Variants in MKRN2 observed in about 807,000 individuals in gnomAD.
MKRN2 encodes the protein makorin ring finger protein 2, also known as E3 ubiquitin-protein ligase makorin-2.
MKRN2 carries 32 observed loss-of-function variants against 45.4 expected under a neutral mutation model. The ratio of observed to expected loss-of-function variants is 0.70; its 90% confidence interval spans 0.53 to 0.95. MKRN2 has a LOEUF of 0.95. Among genes scored for constraint, MKRN2 ranks in the 40% least tolerant of loss-of-function variants. The pLI, the probability that MKRN2 is intolerant of heterozygous loss-of-function variation, is 0.00. For missense variants in MKRN2, 526 were observed against 536.7 expected (o/e 0.98, Z 0.20); for synonymous variants, 206 against 192.4 (o/e 1.07, Z -0.59).
Position 12,570,228 on chromosome 3 carries a change from A to G in MKRN2, c.313A>G (p.Arg105Gly). ...NSHEPGKREK[R>G]TLVLRDRNLS... Reference sequence around the variant, plus strand: ...ACATGAACCCGGAAAGCGTGAAAAGAGAACATTGGTTCTTAGAGACCGAAG... The same window carrying G: ...ACATGAACCCGGAAAGCGTGAAAAGGGAACATTGGTTCTTAGAGACCGAAG... Residue 105 changes from arginine to glycine, a missense_variant, in exon 3 of 8, where the codon AGA becomes GGA. By Grantham distance (125) the Arg-to-Gly change is moderately radical. Transcript: ENST00000170447. The G allele has an allele frequency of 6.2e-7, 1 of 1,614,084 alleles. No homozygotes were observed. The highest frequency in any genetic ancestry group is 8.5e-7 in the Non-Finnish European group (1 of 1,179,992).
At chr3:12,578,298 G>A (rs2058155022) in intron 6 of MKRN2, among the ~76,000 whole-genome samples, 1 of 149,498 alleles carries the variant, frequency 6.7e-6, no homozygotes, top group African/African-American at 2.5e-5. Flanking sequence ...CCTGCTCCAG[G>A]ATAAGAGCTA....
intron 4 of MKRN2, 117 bp from the exon 5 acceptor site, chr3:12,574,675 C>A: frequency 1.1e-6 from 1 of 944,310 alleles, no homozygotes; most frequent in Non-Finnish European, 1.6e-6. Context: ...TCACAGCAGT[C>A]GCTGTCAGTG....
rs1003244279 is a variant in MKRN2 at position 12,557,100 on chromosome 3, C to T, written c.-51C>T. ...CGGGCCAGGGCCAAGGCCGAGGCGG[C>T]AGCGGCTGCGAGAGGCGGCGGCACG... is the stretch of plus-strand genomic sequence containing the variant. On this transcript the variant is annotated 5_prime_UTR_variant, in exon 1 of 8. Coordinates refer to ENST00000170447, the MANE Select transcript of MKRN2 (RefSeq NM_014160.5). 122 of 1,481,702 alleles carry T rather than the reference C, an allele frequency of 8.2e-5. No individual in the cohort carries two copies. Among genetic ancestry groups the T allele is most frequent in the Non-Finnish European group, 9.9e-5 (111 of 1,118,114 alleles). The allele number at this position is 1,481,702 out of a possible 1,614,324, so 91.8% of individuals were successfully genotyped here.
intron 6 of MKRN2, among the ~76,000 whole-genome samples, chr3:12,578,187 A>G (rs529469874): frequency 2.6e-5 from 4 of 152,100 alleles, no homozygotes; most frequent in South Asian, 2.1e-4. Flanking sequence ...TCACTTTCCA[A>G]TGGCTGTGAT....
At chr3:12,562,253 A>C (rs935716251) in intron 1 of MKRN2, among the ~76,000 whole-genome samples, 20 of 152,272 alleles carry the variant, frequency 1.3e-4, no homozygotes, top group Admixed American at 5.2e-4. Context: ...TACATTGTAC[A>C]TCAGTTTAGA....
chr3:12,568,845 A>G lies in MKRN2; in HGVS notation c.27-30A>G, dbSNP rs140621322. ...TTTTATAAAGCAAAATGTGCTTCTAAAAGTTGTATGCCTGTGCTTGTCTCT... is the reference window on the plus strand; with the variant it reads ...TTTTATAAAGCAAAATGTGCTTCTAGAAGTTGTATGCCTGTGCTTGTCTCT... On this transcript the variant is annotated intron_variant, in intron 1 of 7. Transcript: ENST00000170447. 757 of 1,600,244 alleles carry G rather than the reference A, an allele frequency of 4.7e-4. 1 individual carries two copies. In the African/African-American group the frequency reaches 7.9e-3, roughly 17 times the overall value.
intron 5 of MKRN2, among the ~76,000 whole-genome samples, chr3:12,575,792 C>G (rs552226186): frequency 9.2e-5 from 14 of 152,292 alleles, no homozygotes; most frequent in African/African-American, 3.1e-4. Flanking sequence ...CCTTTTGTGC[C>G]TGGCCCCTTT....
chr3:12,570,442 C>T (rs758602775), intron 3 of MKRN2, among the ~76,000 whole-genome samples, 190 bp downstream of exon 3: 5 of 152,206 alleles, frequency 3.3e-5, no homozygotes, highest in East Asian at 1.9e-4. Context: ...ATGATACATT[C>T]GCCCTCGTGC....
chr3:12,565,604 T>C (rs1298985851), intron 1 of MKRN2, among the ~76,000 whole-genome samples: 2 of 149,154 alleles, frequency 1.3e-5, no homozygotes, highest in African/African-American at 5.0e-5. Context: ...AGCATGATCT[T>C]GGCTTATTGC....
intron 5 of MKRN2, among the ~76,000 whole-genome samples, chr3:12,575,310 C>A (rs1038033696): frequency 6.6e-6 from 1 of 152,178 alleles, no homozygotes; most frequent in Admixed American, 6.5e-5. Flanking sequence ...TGTTTGAAAT[C>A]CAGTAGTACC....
At chr3:12,573,073 A>G (rs933792003) in intron 4 of MKRN2, among the ~76,000 whole-genome samples, 1 of 152,202 alleles carries the variant, frequency 6.6e-6, no homozygotes, top group Non-Finnish European at 1.5e-5. Flanking sequence ...GTTGGGATCC[A>G]GCTAGGTGAA....
intron 1 of MKRN2, among the ~76,000 whole-genome samples, chr3:12,557,434 G>C (rs2057987185): frequency 6.6e-6 from 1 of 152,248 alleles, no homozygotes; most frequent in Non-Finnish European, 1.5e-5. Flanking sequence ...CTGTGGGCTG[G>C]GAGGAAGGAC....
At position 12,583,247 on chromosome 3, in the gene MKRN2, T is replaced by TAA. The variant is rs2058200361; in HGVS notation, c.*995_*996dup. On this transcript the variant is annotated 3_prime_UTR_variant, in exon 8 of 8. Transcript: ENST00000170447. The stretch of plus-strand genomic sequence containing the variant: ...GCAAGTCTTGTAGTCATTTTGATTT[T>TAA]AATTGAAGGGTGAGCATAACCTTGT... 6.6e-6 allele frequency: 1 copy of TAA among 152,448 alleles called. No individual in the cohort carries two copies. The highest frequency in any genetic ancestry group is 2.1e-4 in the South Asian group (1 of 4,826). 9.4% of individuals were successfully genotyped at this position (152,448 alleles called of 1,614,324 possible).
In MKRN2 at chr3:12,570,347, C is replaced by T. The variant is rs2058091129; in HGVS notation, c.337+95C>T. ...TAGCCTCCTCTTGTCAAGAGGACTC[C>T]TAACCTAATACACCTCCAGATTGTC... is the stretch of plus-strand genomic sequence containing the variant. On this transcript the variant is annotated intron_variant, in intron 3 of 7. Transcript: ENST00000170447. 7.1e-6 allele frequency: 9 copies of T among 1,274,978 alleles called. No individual in the cohort carries two copies. The South Asian group carries it at 1.3e-4, about 18-fold the overall frequency. The allele number at this position is 1,274,978 out of a possible 1,614,324, so 79.0% of individuals were successfully genotyped here. A position where few individuals can be genotyped will look rare whatever the true frequency, so the allele number is the denominator to read the frequency against.
In MKRN2 at chr3:12,581,953, G is replaced by T; in HGVS notation, c.1113+1G>T. ...GCTCAGTTCTCAAGGCACTGTGAGG[G>T]TAAGGACTTTAGCCATCTCTAGTTG... is the stretch of plus-strand genomic sequence containing the variant. On this transcript the variant is annotated splice_donor_variant, in intron 7 of 7. Transcript: ENST00000170447. LOFTEE classifies it high-confidence loss of function. 6.2e-7 allele frequency: 1 copy of T among 1,613,884 alleles called. No homozygotes were observed.
chr3:12,563,257 G>A (rs1470040056), intron 1 of MKRN2, among the ~76,000 whole-genome samples: 1 of 152,172 alleles, frequency 6.6e-6, no homozygotes, highest in Non-Finnish European at 1.5e-5. Flanking sequence ...TTATATACTA[G>A]AATATCCTTT....
rs2058196466 is a variant in MKRN2 at position 12,582,957 on chromosome 3, T to G, written c.*704T>G. 6.6e-6 allele frequency: 1 copy of G among 152,288 alleles called. No homozygotes were observed. Among genetic ancestry groups the G allele is most frequent in the Non-Finnish European group, 1.5e-5 (1 of 68,060 alleles). The allele number at this position is 152,288 out of a possible 1,614,324, so 9.4% of individuals were successfully genotyped here. A position where few individuals can be genotyped will look rare whatever the true frequency, so the allele number is the denominator to read the frequency against. ...GGAGGTACAGTACTGGGTAGCAGTC[T>G]GGCCCTCCTGTCGTCTGGTTGGTGT... On this transcript the variant is annotated 3_prime_UTR_variant, in exon 8 of 8. Transcript: ENST00000170447.
At chr3:12,558,263 C>G (rs921705835) in intron 1 of MKRN2, among the ~76,000 whole-genome samples, 4 of 152,180 alleles carry the variant, frequency 2.6e-5, no homozygotes, top group African/African-American at 9.7e-5. Flanking sequence ...TTATGTTAAG[C>G]TGTTGTCAGA....
chr3:12,560,913 A>G (rs1033099864), intron 1 of MKRN2: 5 of 152,224 alleles, frequency 3.3e-5, no homozygotes, highest in Admixed American at 6.6e-5. Flanking sequence ...AACATGAAAG[A>G]GGCTTGGAGT....
Sources: allele counts gnomAD v4.1 joint callset (sites outside exome capture counted in the v4.1 genomes callset), GRCh38; gene constraint gnomAD v4.1.1; transcripts MANE v1.5; gene names NCBI Gene and HGNC (gene_info 2026-07-23, HGNC 2026-07-21).